QRSL1: variants seen among roughly 807,000 people sequenced by gnomAD.
The protein encoded by QRSL1 is glutamyl-tRNA(Gln) amidotransferase subunit A, mitochondrial.
QRSL1 carries 54 observed loss-of-function variants against 61.6 expected under a neutral mutation model. The observed-to-expected ratio is 0.88, with a 90% CI of 0.70 to 1.10. QRSL1 has a LOEUF of 1.10. QRSL1 is among the 50% of genes least tolerant of loss of function. QRSL1 has a pLI of 0.00. For synonymous variants in QRSL1, 228 were observed against 225.7 expected (o/e 1.01, Z -0.09); for missense variants, 505 against 622.6 (o/e 0.81, Z 2.01).
intron 10 of QRSL1, among the ~76,000 whole-genome samples, chr6:106,663,408 T>C (rs1488850198): frequency 6.6e-6 from 1 of 152,196 alleles, no homozygotes; most frequent in East Asian, 1.9e-4. Context: ...TTTAATTGGC[T>C]CACAGTTCTG....
intron 1 of QRSL1, among the ~76,000 whole-genome samples, chr6:106,634,841 T>C (rs1307043456): frequency 1.3e-5 from 2 of 151,896 alleles, no homozygotes; most frequent in Non-Finnish European, 2.9e-5. Flanking sequence ...GTGGATATTG[T>C]TTTTTAAGTC....
chr6:106,655,821 A>T (rs1777260849), intron 9 of QRSL1, 89 bp downstream of exon 9: 1 of 808,956 alleles, frequency 1.2e-6, no homozygotes, highest in African/African-American at 1.7e-5. Context: ...GGTATTTAGT[A>T]AAGAAACAAA....
In QRSL1 at chr6:106,644,931, A is replaced by G. The variant is rs556302975; in HGVS notation, c.380+1841A>G. Reference sequence around the variant, plus strand: ...TTCGAATTAGATTTTCGTATATAGTATGAATAAAGTCCATTTATTCAACAT... The same window carrying G: ...TTCGAATTAGATTTTCGTATATAGTGTGAATAAAGTCCATTTATTCAACAT... On this transcript the variant is annotated intron_variant, in intron 4 of 10. Transcript: ENST00000369046. Among the ~76,000 whole-genome samples, 4 of 152,336 alleles carry G rather than the reference A, an allele frequency of 2.6e-5. No homozygotes were observed. In the East Asian group the frequency reaches 5.8e-4, roughly 22 times the overall value.
rs113197359 is a variant in QRSL1, at chr6:106,649,009, T to A, written c.381-16T>A. The A allele has an allele frequency of 8.8e-6, 14 of 1,590,762 alleles. No individual in the cohort carries two copies. The African/African-American group carries it at 1.5e-4, about 17-fold the overall frequency. Reference sequence around the variant, plus strand: ...TGAAAGTTTTACTAAGGTATCTTGCTTCACTTCGTCATCAGATCTGGGAGC... The same window carrying A: ...TGAAAGTTTTACTAAGGTATCTTGCATCACTTCGTCATCAGATCTGGGAGC... On this transcript the variant is annotated splice_polypyrimidine_tract_variant and intron_variant, in intron 4 of 10. Transcript: ENST00000369046.
rs565191850 is a variant in QRSL1 at position 106,629,815 on chromosome 6, C to T, written c.24+110C>T. ...CGCATCTTGGCCCACCTCGCTGCTT[C>T]CTCTAGAACTGAGTGGGGGATAAGT... On this transcript the variant is annotated intron_variant, in intron 1 of 10. Transcript: ENST00000369046. 1.3e-3 allele frequency: 1,695 copies of T among 1,335,654 alleles called. 1 individual carries two copies. The highest frequency in any genetic ancestry group is 1.6e-3 in the Non-Finnish European group (1,555 of 957,544). The allele number at this position is 1,335,654 out of a possible 1,614,324, so 82.7% of individuals were successfully genotyped here.
intron 5 of QRSL1, among the ~76,000 whole-genome samples, chr6:106,651,919 A>G (rs1429774716): frequency 6.6e-6 from 1 of 152,192 alleles, no homozygotes; most frequent in Admixed American, 6.6e-5. Flanking sequence ...AGCTAATGTT[A>G]AAAAAGGGAT....
intron 1 of QRSL1, among the ~76,000 whole-genome samples, chr6:106,630,706 G>A (rs544410940): frequency 6.6e-6 from 1 of 152,146 alleles, no homozygotes; most frequent in East Asian, 1.9e-4. Flanking sequence ...GTGATTTCTG[G>A]TAAGAAGTAG....
intron 2 of QRSL1, 107 bp from the exon 3 acceptor site, chr6:106,640,716 G>A (rs1463931113): frequency 1.2e-5 from 13 of 1,122,358 alleles, no homozygotes; most frequent in Admixed American, 4.3e-5. Context: ...TTTGTTTTCT[G>A]AAGAAGTATC....
In QRSL1 at chr6:106,642,980, T is replaced by C. The variant is rs779328116; in HGVS notation, c.284-14T>C. 2 of 1,552,562 alleles carry C rather than the reference T, an allele frequency of 1.3e-6. No individual in the cohort carries two copies. The highest frequency in any genetic ancestry group is 1.4e-5 in the African/African-American group (1 of 72,256). On this transcript the variant is annotated splice_polypyrimidine_tract_variant and intron_variant, in intron 3 of 10. Coordinates refer to ENST00000369046, the MANE Select transcript of QRSL1 (RefSeq NM_018292.5). ...GGACTGTAAAAAAAATAATAGTAAC[T>C]AAATTTTTTTCAGGTTATATACCAC...
intron 9 of QRSL1, among the ~76,000 whole-genome samples, chr6:106,656,682 G>A (rs1294405573): frequency 1.3e-5 from 2 of 152,088 alleles, no homozygotes; most frequent in Non-Finnish European, 2.9e-5. Flanking sequence ...TTTGAGACAG[G>A]GTCTCACTCT....
rs1043624415 is a variant in QRSL1 at position 106,648,932 on chromosome 6, A to G, written c.381-93A>G. On this transcript the variant is annotated intron_variant, in intron 4 of 10. Transcript: ENST00000369046. ...GCTACAGTGGGTTCTTAAATGCTCA[A>G]TGAGTGTCAGAAGCAAATAATATAC... 22 of 1,325,282 alleles carry G rather than the reference A, an allele frequency of 1.7e-5. No homozygotes were observed. In the South Asian group the frequency reaches 1.9e-4, roughly 11 times the overall value. 82.1% of individuals were successfully genotyped at this position (1,325,282 alleles called of 1,614,324 possible).
At chr6:106,639,111 G>GTTTTTTTTTTTTTTTTTTTTTTTTTTTTT (rs1562164982) in intron 1 of QRSL1, among the ~76,000 whole-genome samples, 1 of 60,754 alleles carries the variant, frequency 1.6e-5, no homozygotes, top group African/African-American at 6.7e-5. Context: ...TTATTTGTGT[G>GTTTTTTTTTTTTTTTTTTTTTTTTTTTTT]TTTTGTTGTT....
At chr6:106,640,600 A>G (rs1405125264) in intron 2 of QRSL1, 92 bp downstream of exon 2, 33 of 1,209,904 alleles carry the variant, frequency 2.7e-5, no homozygotes, top group Non-Finnish European at 3.6e-5. Context: ...AGCTTTAAAC[A>G]TAAACCATAG....
At chr6:106,629,870 T>C (rs1416398269) in intron 1 of QRSL1, among the ~76,000 whole-genome samples, 165 bp downstream of exon 1, 4 of 152,196 alleles carry the variant, frequency 2.6e-5, no homozygotes, top group Non-Finnish European at 4.4e-5. Flanking sequence ...GTACTCGCCG[T>C]ACCCATTCAG....
chr6:106,646,872 C>CA, intron 4 of QRSL1, among the ~76,000 whole-genome samples: 1 of 151,392 alleles, frequency 6.6e-6, no homozygotes, highest in Admixed American at 6.6e-5. Flanking sequence ...ACTAAAAATA[C>CA]AAAAAATTAG....
chr6:106,666,067 A>G lies in QRSL1; in HGVS notation c.*65A>G. 1 of 1,377,768 alleles carries G rather than the reference A, an allele frequency of 7.3e-7. No homozygotes were observed. Among genetic ancestry groups the G allele is most frequent in the Non-Finnish European group, 1.0e-6 (1 of 975,412 alleles). 85.3% of individuals were successfully genotyped at this position (1,377,768 alleles called of 1,614,324 possible). Reference sequence around the variant, plus strand: ...AGTGGCTCACACCTGTAATCCCAGCACTTTGGGAGGCCAAGGCGAGCGGAT... The same window carrying G: ...AGTGGCTCACACCTGTAATCCCAGCGCTTTGGGAGGCCAAGGCGAGCGGAT... On this transcript the variant is annotated 3_prime_UTR_variant, in exon 11 of 11. Transcript: ENST00000369046.
intron 1 of QRSL1, among the ~76,000 whole-genome samples, chr6:106,630,709 A>G (rs1776805604): frequency 6.6e-6 from 1 of 151,992 alleles, no homozygotes; most frequent in Non-Finnish European, 1.5e-5. Context: ...ATTTCTGGTA[A>G]GAAGTAGGCG....
Position 106,630,024 on chromosome 6 carries a change from C to T in QRSL1, c.24+319C>T, listed in dbSNP as rs1017254079. On this transcript the variant is annotated intron_variant, in intron 1 of 10. Coordinates refer to ENST00000369046, the MANE Select transcript of QRSL1 (RefSeq NM_018292.5). ...CTTTGCCAAAGGGGGCTTGCGGGGC[C>T]ACTTCAGTCTCTCTTCTGTCCCCGA... Among the ~76,000 whole-genome samples the T allele has an allele frequency of 4.6e-5, 7 of 152,156 alleles. 1 individual carries two copies. Among genetic ancestry groups the T allele is most frequent in the African/African-American group, 1.4e-4 (6 of 41,450 alleles).
chr6:106,637,484 C>CTA (rs3040668), intron 1 of QRSL1, among the ~76,000 whole-genome samples: 13,352 of 152,110 alleles, frequency 0.088, 749 homozygotes, highest in African/African-American at 0.15. Flanking sequence ...ACCAGGAAGG[C>CTA]TATAGGTCAG....
Sources: gnomAD v4.1 joint callset for allele counts (sites outside exome capture counted in the v4.1 genomes callset) on GRCh38, gnomAD v4.1.1 for gene constraint, MANE v1.5 for transcripts, NCBI Gene and HGNC (gene_info 2026-07-23, HGNC 2026-07-21) for gene names.